NOL4L: variants seen among roughly 807,000 people sequenced by gnomAD.
NOL4L encodes the protein nucleolar protein 4-like.
A neutral mutation model predicts 64.5 loss-of-function variants in NOL4L; 7 were observed. That is an observed-to-expected ratio of 0.11 (90% CI 0.06 to 0.20). NOL4L has a LOEUF of 0.20. Among genes scored for constraint, NOL4L ranks in the 10% least tolerant of loss-of-function variants. The pLI, the probability that NOL4L is intolerant of heterozygous loss-of-function variation, is 1.00. For synonymous variants in NOL4L, 413 were observed against 401.0 expected, an observed-to-expected ratio of 1.03 and a Z score of -0.36; for missense variants, 680 against 967.1, an observed-to-expected ratio of 0.70 and a Z score of 3.94.
At chr20:32,562,294 A>G (rs1054270825) in intron 1 of NOL4L, among the ~76,000 whole-genome samples, 4 of 152,032 alleles carry the variant, frequency 2.6e-5, no homozygotes, top group Non-Finnish European at 5.9e-5. Flanking sequence ...CTCAGCCACT[A>G]TCTCAACCTC....
chr20:32,477,806 C>G (rs940687566), intron 4 of NOL4L, among the ~76,000 whole-genome samples: 1 of 152,196 alleles, frequency 6.6e-6, no homozygotes, highest in Non-Finnish European at 1.5e-5. Flanking sequence ...ACTGTTCACC[C>G]AAATGCCCCC....
At chr20:32,522,398 C>T (rs1039329462) in intron 2 of NOL4L, among the ~76,000 whole-genome samples, 8 of 152,226 alleles carry the variant, frequency 5.3e-5, no homozygotes, top group African/African-American at 9.6e-5. Flanking sequence ...ACTGGAGCAG[C>T]GGATGGGAGA....
intron 1 of NOL4L, among the ~76,000 whole-genome samples, chr20:32,572,911 G>A (rs1031838293): frequency 6.6e-6 from 1 of 152,184 alleles, no homozygotes; most frequent in Non-Finnish European, 1.5e-5. Context: ...AGGTCTCACT[G>A]CCACTGGCCA....
intron 4 of NOL4L, among the ~76,000 whole-genome samples, chr20:32,479,691 C>T (rs369142448): frequency 9.8e-5 from 15 of 152,358 alleles, no homozygotes; most frequent in East Asian, 1.9e-4. Context: ...CCCTGAAGCC[C>T]GTGGCCTTGC....
intron 4 of NOL4L, among the ~76,000 whole-genome samples, chr20:32,483,022 TG>T (rs2015837741): frequency 6.8e-6 from 1 of 146,130 alleles, no homozygotes; most frequent in East Asian, 2.2e-4. Flanking sequence ...ACCCCGGGAG[TG>T]GGGTGCGCCC....
At chr20:32,496,291 G>C (rs1048516854) in intron 4 of NOL4L, among the ~76,000 whole-genome samples, 1 of 152,184 alleles carries the variant, frequency 6.6e-6, no homozygotes, top group African/African-American at 2.4e-5. Flanking sequence ...GCCTTGGCTC[G>C]GATGCTGCCT....
At chr20:32,579,027 C>G (rs1417816133) in intron 1 of NOL4L, among the ~76,000 whole-genome samples, 1 of 152,168 alleles carries the variant, frequency 6.6e-6, no homozygotes, top group African/African-American at 2.4e-5. Flanking sequence ...GCTGAGACTC[C>G]GGGGATGGCA....
chr20:32,513,698 T>A (rs1186825082), intron 3 of NOL4L, among the ~76,000 whole-genome samples: 1 of 152,076 alleles, frequency 6.6e-6, no homozygotes, highest in African/African-American at 2.4e-5. Context: ...CCCTCGTCTC[T>A]ACTAAAAGGT....
Position 32,447,248 on chromosome 20 carries a change from A to AATT in NOL4L, c.*345_*347dup, listed in dbSNP as rs1457230062. 1.9e-6 allele frequency: 1 copy of AATT among 517,144 alleles called. No individual in the cohort carries two copies. The highest frequency in any genetic ancestry group is 1.9e-5 in the African/African-American group (1 of 52,438). The allele number at this position is 517,144 out of a possible 1,614,324, so 32.0% of individuals were successfully genotyped here. A position where few individuals can be genotyped will look rare whatever the true frequency, so the allele number is the denominator to read the frequency against. On this transcript the variant is annotated 3_prime_UTR_variant, in exon 11 of 11. Transcript: ENST00000621426. The stretch of plus-strand genomic sequence containing the variant: ...TCTGCTCACCTAAGACTTGAAAGGT[A>AATT]ATTATCTGGGGGTGGGATTCTAACA...
chr20:32,561,821 G>A (rs1227482560), intron 1 of NOL4L, among the ~76,000 whole-genome samples: 1 of 152,090 alleles, frequency 6.6e-6, no homozygotes, highest in Non-Finnish European at 1.5e-5. Context: ...AATATAATTC[G>A]TGTAAAGTAC....
chr20:32,461,920 G>C (rs1418895255), intron 5 of NOL4L, among the ~76,000 whole-genome samples: 2 of 152,106 alleles, frequency 1.3e-5, no homozygotes, highest in Non-Finnish European at 2.9e-5. Flanking sequence ...GATGGCTCCT[G>C]CTGCCCCCTA....
intron 1 of NOL4L, among the ~76,000 whole-genome samples, chr20:32,541,537 G>C (rs1478418614): frequency 2.0e-5 from 3 of 152,184 alleles, no homozygotes; most frequent in Admixed American, 2.0e-4. Flanking sequence ...GAAGCCGGCT[G>C]TCAGGAGCTC....
chr20:32,548,760 CCA>C (rs1179393747), intron 1 of NOL4L: 1 of 418,284 alleles, frequency 2.4e-6, no homozygotes, highest in African/African-American at 2.1e-5. Flanking sequence ...CTTGAAATGG[CCA>C]TCCATATTCA....
intron 1 of NOL4L, among the ~76,000 whole-genome samples, chr20:32,542,445 C>T (rs923746361): frequency 6.6e-6 from 1 of 152,192 alleles, no homozygotes; most frequent in African/African-American, 2.4e-5. Flanking sequence ...CCTCGACCTC[C>T]AAGGCTTAAG....
rs1417502601 is a variant in NOL4L at position 32,447,515 on chromosome 20, A to G, written c.*81T>C. On this transcript the variant is annotated 3_prime_UTR_variant, in exon 11 of 11. Transcript: ENST00000621426. Reference sequence around the variant, plus strand: ...CCCACCTCTTTCAAAAACAAAATGTACCAACTGGTGAGGCAGGAAGCCAGG... The same window carrying G: ...CCCACCTCTTTCAAAAACAAAATGTGCCAACTGGTGAGGCAGGAAGCCAGG... 10 of 1,508,850 alleles carry G rather than the reference A, an allele frequency of 6.6e-6. No homozygotes were observed. The highest frequency in any genetic ancestry group is 8.8e-6 in the Non-Finnish European group (10 of 1,139,276). 93.5% of individuals were successfully genotyped at this position (1,508,850 alleles called of 1,614,324 possible). A position where few individuals can be genotyped will look rare whatever the true frequency, so the allele number is the denominator to read the frequency against.
rs374479145 is a variant in NOL4L, at chr20:32,452,323, C to T, written c.1735G>A (p.Gly579Ser). 54 of 1,609,330 alleles carry T rather than the reference C, an allele frequency of 3.4e-5. 1 individual carries two copies. In the South Asian group the frequency reaches 3.5e-4, roughly 11 times the overall value. ...YSQDPVYANG[G>S]LNYSYRGYGA... ...TACCCGCGGTAACTGTAGTTGAGGC[C>T]GCCGTTGGCGTACACAGGGTCCTGG... Residue 579 changes from glycine (G) to serine (S), a missense_variant, in exon 10 of 11, where the codon GGC (glycine) becomes AGC (serine). Gly to Ser is a moderately conservative substitution (Grantham distance 56). Coordinates refer to ENST00000621426, the MANE Select transcript of NOL4L (RefSeq NM_001256798.2).
At chr20:32,478,151 T>C (rs950102858) in intron 4 of NOL4L, among the ~76,000 whole-genome samples, 8 of 151,454 alleles carry the variant, frequency 5.3e-5, no homozygotes, top group African/African-American at 1.9e-4. Flanking sequence ...TCACCACATC[T>C]CCTCCCTTCA....
chr20:32,527,736 G>C, intron 2 of NOL4L, 22 bp downstream of exon 2: 1 of 1,538,284 alleles, frequency 6.5e-7, no homozygotes, highest in Non-Finnish European at 8.8e-7. Flanking sequence ...TGCCAGTGGA[G>C]GCAAAGAGAC....
chr20:32,495,006 CT>C (rs1322295279), intron 4 of NOL4L, among the ~76,000 whole-genome samples: 3 of 152,186 alleles, frequency 2.0e-5, no homozygotes, highest in Non-Finnish European at 4.4e-5. Flanking sequence ...GGCCTTTTCT[CT>C]TTCAAGAGGA....
Sources: allele counts gnomAD v4.1 joint callset (sites outside exome capture counted in the v4.1 genomes callset), GRCh38; gene constraint gnomAD v4.1.1; transcripts MANE v1.5; gene names NCBI Gene and HGNC (gene_info 2026-07-23, HGNC 2026-07-21).